CA10: variants seen among roughly 807,000 people sequenced by gnomAD.
The protein encoded by CA10 is carbonic anhydrase 10 (inactive).
A neutral mutation model predicts 44.2 loss-of-function variants in CA10; 14 were observed. The observed-to-expected ratio is 0.32, with a 90% CI of 0.21 to 0.50. The LOEUF (loss-of-function observed/expected upper bound fraction) is 0.50, where lower values mean the gene tolerates loss of function less well. CA10 is among the 20% of genes least tolerant of loss of function. The probability of loss-of-function intolerance (pLI) is 0.99; values close to 1 mark genes in which losing one functional copy is unlikely to be tolerated. For missense variants in CA10, 350 were observed against 409.7 expected (o/e 0.85, Z 1.26); for synonymous variants, 159 against 141.6 (o/e 1.12, Z -0.87).
At chr17:52,075,364 G>T (rs997833502) in intron 1 of CA10, among the ~76,000 whole-genome samples, 1 of 152,078 alleles carries the variant, frequency 6.6e-6, no homozygotes. Context: ...TCTCTCAATG[G>T]TATGTGGTTT....
intron 1 of CA10, among the ~76,000 whole-genome samples, chr17:52,151,117 T>C (rs773951010): frequency 2.6e-5 from 4 of 152,116 alleles, no homozygotes; most frequent in Non-Finnish European, 4.4e-5. Flanking sequence ...CACACAAACC[T>C]GATTACGTCA....
At chr17:51,928,023 T>G (rs1429071108) in intron 3 of CA10, among the ~76,000 whole-genome samples, 1 of 152,154 alleles carries the variant, frequency 6.6e-6, no homozygotes, top group Non-Finnish European at 1.5e-5. Flanking sequence ...GTGCCATTTG[T>G]AAAAATACAA....
At chr17:51,700,451 T>G (rs977077374) in intron 4 of CA10, among the ~76,000 whole-genome samples, 1 of 152,202 alleles carries the variant, frequency 6.6e-6, no homozygotes, top group African/African-American at 2.4e-5. Flanking sequence ...TTGCTCATGC[T>G]CTGGCCACAT....
chr17:52,064,289 G>C (rs1987473303), intron 2 of CA10, among the ~76,000 whole-genome samples: 1 of 152,166 alleles, frequency 6.6e-6, no homozygotes, highest in African/African-American at 2.4e-5. Flanking sequence ...CTCAGTAGAG[G>C]ATCCATTTAA....
chr17:52,112,662 A>C (rs1415229471), intron 1 of CA10, among the ~76,000 whole-genome samples: 1 of 152,218 alleles, frequency 6.6e-6, no homozygotes. Context: ...GTTGATAGGA[A>C]GATTGAGTAA....
intron 3 of CA10, among the ~76,000 whole-genome samples, chr17:51,839,500 CAAAAAAAA>C (rs34200978): frequency 2.8e-4 from 10 of 36,288 alleles, no homozygotes; most frequent in East Asian, 2.2e-3. Flanking sequence ...GACTCCTTCT[CAAAAAAAA>C]AAAAAAAAAA....
chr17:51,770,298 T>C (rs1265289627), intron 3 of CA10, among the ~76,000 whole-genome samples: 1 of 151,886 alleles, frequency 6.6e-6, no homozygotes, highest in Admixed American at 6.6e-5. Flanking sequence ...TTATCTGTGG[T>C]GACCAGCAAG....
intron 3 of CA10, among the ~76,000 whole-genome samples, chr17:51,784,792 CTCTT>C (rs1007530965): frequency 3.3e-5 from 5 of 152,192 alleles, no homozygotes; most frequent in Admixed American, 2.0e-4. Context: ...TCCAATTATA[CTCTT>C]TATTTAAAAA....
intron 3 of CA10, among the ~76,000 whole-genome samples, chr17:51,789,242 A>T (rs918219330): frequency 1.3e-5 from 2 of 152,086 alleles, no homozygotes; most frequent in East Asian, 3.9e-4. Flanking sequence ...TCTCGAACTT[A>T]TGACCTCAGG....
At chr17:52,009,206 C>A (rs1598163985) in intron 2 of CA10, among the ~76,000 whole-genome samples, 1 of 151,696 alleles carries the variant, frequency 6.6e-6, no homozygotes, top group Admixed American at 6.6e-5. Context: ...TTTAACGTGT[C>A]TCTTTTATGC....
At chr17:52,094,797 C>T (rs1263026153) in intron 1 of CA10, among the ~76,000 whole-genome samples, 2 of 152,098 alleles carry the variant, frequency 1.3e-5, no homozygotes, top group Non-Finnish European at 2.9e-5. Flanking sequence ...AAAATTAATA[C>T]AATGGATAAT....
Position 51,716,737 on chromosome 17 carries a change from C to T in CA10, c.465+30896G>A, listed in dbSNP as rs150883623. Among the ~76,000 whole-genome samples the T allele has an allele frequency of 1.2e-3, 177 of 152,254 alleles. 1 individual carries two copies. The highest frequency in any genetic ancestry group is 4.0e-3 in the African/African-American group (167 of 41,536). The stretch of plus-strand genomic sequence containing the variant: ...CCGTGTACCCTAGTGAATTACAGGC[C>T]TCAATAAATGTTGAATTAGGTATAA... On this transcript the variant is annotated intron_variant, in intron 4 of 8. Coordinates refer to ENST00000451037, the MANE Select transcript of CA10 (RefSeq NM_020178.5).
chr17:51,712,277 C>T (rs1915963656), intron 4 of CA10, among the ~76,000 whole-genome samples: 1 of 152,160 alleles, frequency 6.6e-6, no homozygotes, highest in African/African-American at 2.4e-5. Context: ...GAGGTTCAGT[C>T]CCATCAGAAG....
intron 2 of CA10, among the ~76,000 whole-genome samples, chr17:52,035,826 T>G (rs1405165032): frequency 1.3e-5 from 2 of 152,250 alleles, no homozygotes; most frequent in Non-Finnish European, 2.9e-5. Context: ...GGCATTCCTG[T>G]TGTGAGTCCC....
chr17:52,084,335 G>C (rs751623916), intron 1 of CA10, among the ~76,000 whole-genome samples: 28 of 152,132 alleles, frequency 1.8e-4, no homozygotes, highest in Non-Finnish European at 4.0e-4. Context: ...GCTCAACATA[G>C]TTTTGTCCTT....
At chr17:52,125,227 G>A (rs896199884) in intron 1 of CA10, among the ~76,000 whole-genome samples, 2 of 152,200 alleles carry the variant, frequency 1.3e-5, no homozygotes, top group Non-Finnish European at 2.9e-5. Flanking sequence ...GTACCTCCTT[G>A]CTAGTGTCTC....
At chr17:51,977,461 GCTCAAAAAATCTA>G (rs1285257406) in intron 2 of CA10, among the ~76,000 whole-genome samples, 4 of 151,844 alleles carry the variant, frequency 2.6e-5, no homozygotes, top group South Asian at 4.2e-4. Context: ...ATTTAGATTG[GCTCAAAAAATCTA>G]TTTTTAAAAA....
intron 3 of CA10, among the ~76,000 whole-genome samples, chr17:51,812,042 A>G (rs1907386297): frequency 6.6e-6 from 1 of 152,158 alleles, no homozygotes; most frequent in Non-Finnish European, 1.5e-5. Context: ...AAACAGCAAT[A>G]CACTCAACCT....
chr17:51,956,681 C>T (rs1395689552), intron 2 of CA10, among the ~76,000 whole-genome samples: 2 of 152,114 alleles, frequency 1.3e-5, no homozygotes, highest in Non-Finnish European at 2.9e-5. Context: ...ATCATTTAAG[C>T]CCTTAGGGTA....
Sources: allele counts gnomAD v4.1 joint callset (sites outside exome capture counted in the v4.1 genomes callset), GRCh38; gene constraint gnomAD v4.1.1; transcripts MANE v1.5; gene names NCBI Gene and HGNC (gene_info 2026-07-23, HGNC 2026-07-21).